The following CBLN2 variants were observed in gnomAD, a reference collection of about 807,000 sequenced individuals.
CBLN2 encodes cerebellin-2.
CBLN2 carries 7 observed loss-of-function variants against 15.0 expected under a neutral mutation model. The ratio of observed to expected loss-of-function variants is 0.47; its 90% CI spans 0.27 to 0.88. CBLN2 has a LOEUF of 0.88. Among genes scored for constraint, CBLN2 ranks in the 40% least tolerant of loss-of-function variants. CBLN2 has a pLI of 0.14. For synonymous variants in CBLN2, 149 were observed against 135.2 expected, an observed-to-expected ratio of 1.10 and a Z score of -0.71; for missense variants, 242 against 304.5, an observed-to-expected ratio of 0.79 and a Z score of 1.53.
chr18:72,576,715 TA>T (rs2069369237), intron 1 of CBLN2, among the ~76,000 whole-genome samples: 1 of 151,928 alleles, frequency 6.6e-6, no homozygotes, highest in Non-Finnish European at 1.5e-5. Flanking sequence ...AAATAAATAC[TA>T]AAGGGTTTTT....
chr18:72,601,079 T>C (rs1331454561), intron 1 of CBLN2, among the ~76,000 whole-genome samples: 4 of 152,216 alleles, frequency 2.6e-5, no homozygotes, highest in Admixed American at 6.5e-5. Context: ...TATGCCTATA[T>C]CTTAATAGAA....
chr18:72,599,271 G>T (rs889962028), intron 1 of CBLN2, among the ~76,000 whole-genome samples: 1 of 152,048 alleles, frequency 6.6e-6, no homozygotes, highest in Admixed American at 6.6e-5. Flanking sequence ...AGTCCGTAAA[G>T]TTTGTTACTT....
In CBLN2 at chr18:72,581,234, AT is replaced by A. The variant is rs553232088; in HGVS notation, c.16-42463del. On this transcript the variant is annotated intron_variant, in intron 1 of 2. Coordinates refer to the CBLN2 transcript ENST00000581073. ...TAACTTTTTTAACGTGTGTCAGAATATTTTTAATTGTATACCTTGAGGAATA... is the reference window on the plus strand; with the variant it reads ...TAACTTTTTTAACGTGTGTCAGAATATTTTAATTGTATACCTTGAGGAATA... Among the ~76,000 whole-genome samples the A allele has an allele frequency of 1.9e-3, 293 of 152,320 alleles. 1 individual carries two copies. Among genetic ancestry groups the A allele is most frequent in the African/African-American group, 6.8e-3 (282 of 41,574 alleles).
intron 1 of CBLN2, among the ~76,000 whole-genome samples, chr18:72,553,524 C>T (rs1173846127): frequency 6.6e-6 from 1 of 151,966 alleles, no homozygotes; most frequent in African/African-American, 2.4e-5. Context: ...TATACGTGTA[C>T]ATATATATTA....
At chr18:72,620,972 A>G (rs1045150487) in intron 1 of CBLN2, among the ~76,000 whole-genome samples, 9 of 152,226 alleles carry the variant, frequency 5.9e-5, no homozygotes, top group African/African-American at 2.2e-4. Context: ...AGTGCTAGAA[A>G]ATTAGAAGAG....
intron 1 of CBLN2, among the ~76,000 whole-genome samples, chr18:72,549,570 A>T (rs1286066128): frequency 1.3e-5 from 2 of 152,184 alleles, no homozygotes; most frequent in South Asian, 4.1e-4. Context: ...GTTCTTTTTC[A>T]TTAGCATCTG....
Position 72,537,844 on chromosome 18 carries a change from C to A in CBLN2, c.*332G>T. The A allele has an allele frequency of 2.8e-6, 1 of 357,240 alleles. No individual in the cohort carries two copies. The highest frequency in any genetic ancestry group is 5.3e-6 in the Non-Finnish European group (1 of 189,138). 22.1% of individuals were successfully genotyped at this position (357,240 alleles called of 1,614,324 possible). On this transcript the variant is annotated 3_prime_UTR_variant, in exon 5 of 5. Transcript: ENST00000269503. ...CTCTCCTTCCGTTGGGACGACAATA[C>A]AACATACAAACAAAAGAGGTCCATG...
At chr18:72,584,474 T>A (rs1306802050) in intron 1 of CBLN2, among the ~76,000 whole-genome samples, 2 of 151,954 alleles carry the variant, frequency 1.3e-5, no homozygotes, top group African/African-American at 4.8e-5. Flanking sequence ...GCTAATTTTT[T>A]AATTTTTTTA....
In CBLN2 at chr18:72,617,951, GA is replaced by G. The variant is rs544107030; in HGVS notation, c.15+20373del. Among the ~76,000 whole-genome samples, 149 of 151,838 alleles carry G rather than the reference GA, an allele frequency of 9.8e-4. 2 individuals carry two copies. The highest frequency in any genetic ancestry group is 1.4e-3 in the African/African-American group (58 of 41,436). Reference sequence around the variant, plus strand: ...CAGAACGAGAAAAAGAAAATTATAGGAAAAAAAATTAAATGGAAGAAAAAAT... The same window carrying G: ...CAGAACGAGAAAAAGAAAATTATAGGAAAAAAATTAAATGGAAGAAAAAAT... On this transcript the variant is annotated intron_variant, in intron 1 of 2. Transcript: ENST00000581073.
In CBLN2 at chr18:72,541,786, G is replaced by A; in HGVS notation, c.357+18C>T. Reference sequence around the variant, plus strand: ...CTCTCCCCGGGCTGGGGGCGGGGTGGGCAGGCCGACGGCTGACCTGGTCGA... The same window carrying A: ...CTCTCCCCGGGCTGGGGGCGGGGTGAGCAGGCCGACGGCTGACCTGGTCGA... On this transcript the variant is annotated intron_variant, in intron 3 of 4. Transcript: ENST00000269503. 1 of 1,512,694 alleles carries A rather than the reference G, an allele frequency of 6.6e-7. No individual in the cohort carries two copies. The highest frequency in any genetic ancestry group is 8.8e-7 in the Non-Finnish European group (1 of 1,131,176). 93.7% of individuals were successfully genotyped at this position (1,512,694 alleles called of 1,614,324 possible). A position where few individuals can be genotyped will look rare whatever the true frequency, so the allele number is the denominator to read the frequency against.
At chr18:72,541,756 C>T (rs772459480) in intron 3 of CBLN2, 48 bp downstream of exon 3, 67 of 1,469,198 alleles carry the variant, frequency 4.6e-5, no homozygotes, top group Middle Eastern at 1.9e-4. Flanking sequence ...CGCAGGTCCC[C>T]GCCCCTCTCC....
intron 1 of CBLN2, chr18:72,552,660 A>G (rs1158093723): frequency 1.3e-5 from 2 of 152,326 alleles, no homozygotes; most frequent in Middle Eastern, 3.4e-3. Context: ...AAAGAAGTAC[A>G]TCATTTCCAG....
At chr18:72,625,818 C>CTATATATATATATATA (rs56391046) in intron 1 of CBLN2, among the ~76,000 whole-genome samples, 2 of 57,400 alleles carry the variant, frequency 3.5e-5, no homozygotes, top group Non-Finnish European at 6.5e-5. Flanking sequence ...CTCTCTCTCT[C>CTATATATATATATATA]TATATATATA....
chr18:72,586,042 G>A (rs2069440635), intron 1 of CBLN2, among the ~76,000 whole-genome samples: 1 of 152,174 alleles, frequency 6.6e-6, no homozygotes, highest in South Asian at 2.1e-4. Context: ...GGATACCCAG[G>A]TCTGCAGCTG....
upstream of CBLN2, among the ~76,000 whole-genome samples, chr18:72,546,431 C>T (rs528417107): frequency 3.3e-5 from 5 of 149,614 alleles, no homozygotes; most frequent in East Asian, 2.0e-4. Flanking sequence ...CAGAGCGAGA[C>T]GCTCTCTCTC....
intron 1 of CBLN2, among the ~76,000 whole-genome samples, chr18:72,592,159 T>C (rs2069483984): frequency 6.6e-6 from 1 of 152,148 alleles, no homozygotes; most frequent in South Asian, 2.1e-4. Flanking sequence ...CTCATCAGCA[T>C]TTGTTATTGC....
intron 1 of CBLN2, among the ~76,000 whole-genome samples, chr18:72,607,507 G>A (rs1448821822): frequency 3.9e-5 from 6 of 152,150 alleles, no homozygotes; most frequent in Admixed American, 6.5e-5. Context: ...TAAACACAAA[G>A]TCTAAAAGCT....
chr18:72,634,466 C>T (rs1052508245), intron 1 of CBLN2, among the ~76,000 whole-genome samples: 1 of 151,870 alleles, frequency 6.6e-6, no homozygotes, highest in Non-Finnish European at 1.5e-5. Context: ...GGATAAGACC[C>T]TAATAATTAT....
intron 4 of CBLN2, 78 bp downstream of exon 4, chr18:72,538,575 G>C: frequency 6.3e-7 from 1 of 1,580,914 alleles, no homozygotes; most frequent in Non-Finnish European, 8.6e-7. Flanking sequence ...CTCAGCCTCA[G>C]AGACCAGGTG....
Sources: gnomAD v4.1 joint callset for allele counts (sites outside exome capture counted in the v4.1 genomes callset) on GRCh38, gnomAD v4.1.1 for gene constraint, MANE v1.5 for transcripts, NCBI Gene and HGNC (gene_info 2026-07-23, HGNC 2026-07-21) for gene names.